KLRD1: variants seen among roughly 807,000 people sequenced by gnomAD.
KLRD1 encodes killer cell lectin like receptor D1.
Under a neutral mutation model 22.6 loss-of-function variants are expected in KLRD1, and 21 were observed. That is an observed-to-expected ratio of 0.93 (90% CI 0.66 to 1.34). The LOEUF (loss-of-function observed/expected upper bound fraction) is 1.34, where lower values mean the gene tolerates loss of function less well. Ranked by LOEUF, KLRD1 falls within the 40% of genes most tolerant of loss-of-function variation. The probability of loss-of-function intolerance (pLI) is 0.00; values close to 1 mark genes in which losing one functional copy is unlikely to be tolerated. For missense variants in KLRD1, 183 were observed against 208.6 expected (o/e 0.88, Z 0.76); for synonymous variants, 59 against 71.1 (o/e 0.83, Z 0.85).
At chr12:10,313,811 T>G (rs1224530366) in intron 5 of KLRD1, among the ~76,000 whole-genome samples, 3 of 152,178 alleles carry the variant, frequency 2.0e-5, no homozygotes, top group Non-Finnish European at 2.9e-5. Flanking sequence ...ATTTTAAATT[T>G]TTTAATTAAA....
intron 1 of KLRD1, among the ~76,000 whole-genome samples, chr12:10,290,830 C>CATAT (rs138070991): frequency 5.3e-5 from 8 of 151,434 alleles, no homozygotes; most frequent in African/African-American, 1.9e-4. Flanking sequence ...CATAAAATGA[C>CATAT]ATATATATAT....
At chr12:10,256,617 TATG>T (rs1449483449) in intron 1 of KLRD1, among the ~76,000 whole-genome samples, 1 of 151,970 alleles carries the variant, frequency 6.6e-6, no homozygotes, top group Admixed American at 6.6e-5. Context: ...CCCTCTGCTT[TATG>T]ATATCAATAT....
At chr12:10,306,558 A>G (rs1444360032), upstream of KLRD1, among the ~76,000 whole-genome samples, 1 of 152,178 alleles carries the variant, frequency 6.6e-6, no homozygotes, top group East Asian at 1.9e-4. Context: ...CTAATCTCCT[A>G]TATTTTGAGG....
chr12:10,288,357 A>G (rs1384529028), intron 1 of KLRD1, among the ~76,000 whole-genome samples: 3 of 152,228 alleles, frequency 2.0e-5, no homozygotes, highest in Admixed American at 1.3e-4. Context: ...ATAAACCTAC[A>G]TTCAATATAT....
chr12:10,250,552 G>A (rs1949337416), intron 1 of KLRD1, among the ~76,000 whole-genome samples: 1 of 152,000 alleles, frequency 6.6e-6, no homozygotes, highest in Non-Finnish European at 1.5e-5. Context: ...CTGCCTCCTG[G>A]GTTCAACTGA....
chr12:10,268,670 A>C (rs531988950), intron 1 of KLRD1, among the ~76,000 whole-genome samples: 1 of 152,246 alleles, frequency 6.6e-6, no homozygotes, highest in Non-Finnish European at 1.5e-5. Context: ...GTTTTCTTAC[A>C]TTGTGGCTTT....
chr12:10,239,077 C>T (rs1390814883), intron 1 of KLRD1, among the ~76,000 whole-genome samples: 1 of 152,156 alleles, frequency 6.6e-6, no homozygotes, highest in East Asian at 1.9e-4. Context: ...AAGACTTTTC[C>T]TTTATCTTTT....
At position 10,324,818 on chromosome 12, in the gene KLRD1, G is replaced by GTGTGTGTGTATATATATATATATATATA. The variant is rs750696767; in HGVS notation, c.*10026_*10027insGTGTGTGTATATATATATATATATATAT. The GTGTGTGTGTATATATATATATATATATA allele has an allele frequency of 1.3e-5, 1 of 74,144 alleles. No homozygotes were observed. The highest frequency in any genetic ancestry group is 4.2e-5 in the African/African-American group (1 of 23,544). 4.6% of individuals were successfully genotyped at this position (74,144 alleles called of 1,614,324 possible). ...AGTATATATGTATATGTGTGTGTGT[G>GTGTGTGTGTATATATATATATATATATA]TATATATATATATATATATATATAT... is the stretch of plus-strand genomic sequence containing the variant. On this transcript the variant is annotated 3_prime_UTR_variant, in exon 6 of 6. Coordinates refer to ENST00000336164, the MANE Select transcript of KLRD1 (RefSeq NM_002262.5).
intron 1 of KLRD1, among the ~76,000 whole-genome samples, chr12:10,252,099 T>C (rs557925482): frequency 5.3e-5 from 8 of 152,200 alleles, no homozygotes; most frequent in African/African-American, 1.9e-4. Context: ...AATTACTGCT[T>C]TTTGCTTATT....
chr12:10,255,498 T>A (rs779899587), intron 1 of KLRD1, among the ~76,000 whole-genome samples: 2 of 152,196 alleles, frequency 1.3e-5, no homozygotes, highest in Non-Finnish European at 2.9e-5. Flanking sequence ...TAAGCACTAC[T>A]TTTGTTGCAT....
upstream of KLRD1, among the ~76,000 whole-genome samples, chr12:10,302,419 C>G (rs1318599475): frequency 2.0e-5 from 3 of 152,180 alleles, no homozygotes; most frequent in Non-Finnish European, 4.4e-5. Flanking sequence ...GTGCAGCCTC[C>G]CTTCTCATGC....
intron 1 of KLRD1, among the ~76,000 whole-genome samples, chr12:10,260,029 G>T (rs1949437143): frequency 6.6e-6 from 1 of 152,072 alleles, no homozygotes; most frequent in African/African-American, 2.4e-5. Flanking sequence ...CAGATATAAA[G>T]ATATAATAAA....
chr12:10,250,499 C>T lies in KLRD1; in HGVS notation c.-101+24266C>T, dbSNP rs112770021. ...TGAGACGGGGTCTCACTCTGTTGCCCAGGCTGGAGTGCAGTGGCAAAATCT... is the reference window on the plus strand; with the variant it reads ...TGAGACGGGGTCTCACTCTGTTGCCTAGGCTGGAGTGCAGTGGCAAAATCT... On this transcript the variant is annotated intron_variant, in intron 1 of 5. Transcript: ENST00000544747. Among the ~76,000 whole-genome samples the T allele has an allele frequency of 4.4e-3, 667 of 151,960 alleles. 11 individuals carry two copies. Among genetic ancestry groups the T allele is most frequent in the African/African-American group, 0.015 (631 of 41,402 alleles).
upstream of KLRD1, among the ~76,000 whole-genome samples, chr12:10,302,165 A>G (rs1412944902): frequency 1.3e-5 from 2 of 152,210 alleles, no homozygotes; most frequent in African/African-American, 2.4e-5. Context: ...CATGAATTGA[A>G]CACATGCTTT....
upstream of KLRD1, among the ~76,000 whole-genome samples, chr12:10,305,455 T>C (rs551224371): frequency 2.0e-5 from 3 of 152,144 alleles, no homozygotes; most frequent in Non-Finnish European, 4.4e-5. Flanking sequence ...AAAGGGAAAG[T>C]GGAACGCAAT....
intron 1 of KLRD1, among the ~76,000 whole-genome samples, chr12:10,282,141 A>G (rs1250950638): frequency 6.6e-6 from 1 of 152,194 alleles, no homozygotes; most frequent in Non-Finnish European, 1.5e-5. Flanking sequence ...AAAAATATAA[A>G]TATTTGATTT....
chr12:10,300,131 T>G (rs35868193), upstream of KLRD1, among the ~76,000 whole-genome samples: 10,801 of 152,240 alleles, frequency 0.071, 437 homozygotes, highest in East Asian at 0.17. Flanking sequence ...ATTTTTGACT[T>G]CCTTCCATGA....
At chr12:10,302,783 A>C (rs550930948), upstream of KLRD1, among the ~76,000 whole-genome samples, 10 of 152,004 alleles carry the variant, frequency 6.6e-5, no homozygotes, top group South Asian at 2.1e-3. Context: ...AAAAAAAAAA[A>C]ACCAACCTTA....
At position 10,317,050 on chromosome 12, in the gene KLRD1, T is replaced by A. The variant is rs1950248239; in HGVS notation, c.*2257T>A. ...CATGTGGTGTTTGGTTTTCTGTTCC[T>A]GTGTTAGTTTGCTGAGAATGATGGT... On this transcript the variant is annotated 3_prime_UTR_variant, in exon 6 of 6. Transcript: ENST00000336164. The A allele has an allele frequency of 6.6e-6, 1 of 152,060 alleles. No individual in the cohort carries two copies. The highest frequency in any genetic ancestry group is 2.4e-5 in the African/African-American group (1 of 41,402). 9.4% of individuals were successfully genotyped at this position (152,060 alleles called of 1,614,324 possible).
Sources: allele counts gnomAD v4.1 joint callset (sites outside exome capture counted in the v4.1 genomes callset), GRCh38; gene constraint gnomAD v4.1.1; transcripts MANE v1.5; gene names NCBI Gene and HGNC (gene_info 2026-07-23, HGNC 2026-07-21).